SAMD13: variants seen among roughly 807,000 people sequenced by gnomAD.
SAMD13 encodes the protein sterile alpha motif domain containing 13, also known as sterile alpha motif domain-containing protein 13.
Under a neutral mutation model 12.4 loss-of-function variants are expected in SAMD13, and 9 were observed. The ratio of observed to expected loss-of-function variants is 0.72; its 90% CI spans 0.44 to 1.26. SAMD13 has a LOEUF of 1.26. Among genes scored for constraint, SAMD13 ranks in the 50% most tolerant of loss-of-function variants. SAMD13 has a pLI of 0.00. For synonymous variants in SAMD13, 46 were observed against 45.4 expected (o/e 1.01, Z -0.05); for missense variants, 84 against 119.6 (o/e 0.70, Z 1.39).
intron 3 of SAMD13, among the ~76,000 whole-genome samples, chr1:84,336,747 C>T (rs146487841): frequency 0.027 from 4,157 of 152,256 alleles, 203 homozygotes; most frequent in African/African-American, 0.095. Flanking sequence ...AAAGTCTTAA[C>T]TCATTTCAGC....
chr1:84,329,240 C>T (rs1203023238), intron 3 of SAMD13, among the ~76,000 whole-genome samples: 1 of 152,122 alleles, frequency 6.6e-6, no homozygotes, highest in Non-Finnish European at 1.5e-5. Context: ...TCACCAAGAA[C>T]CCAACCATGC....
chr1:84,323,100 A>G (rs1342782321), intron 2 of SAMD13, among the ~76,000 whole-genome samples: 1 of 152,150 alleles, frequency 6.6e-6, no homozygotes, highest in East Asian at 1.9e-4. Flanking sequence ...AGTGTGTTCG[A>G]TGGGACTCTG....
rs564602432 is a variant in SAMD13, at chr1:84,318,093, G to A, written c.54-7544G>A. ...TCTCTTTTCTCTTAGCCTAGCTAAA[G>A]GTTTGTCAGTTTTGTTTATCTTTTC... On this transcript the variant is annotated intron_variant, in intron 2 of 3. Coordinates refer to ENST00000394834, the MANE Select transcript of SAMD13 (RefSeq NM_001134663.2). Among the ~76,000 whole-genome samples the A allele has an allele frequency of 7.2e-5, 11 of 152,070 alleles. No homozygotes were observed. In the East Asian group the frequency reaches 2.1e-3, roughly 29 times the overall value.
chr1:84,312,380 A>G (rs1473675843), intron 2 of SAMD13, among the ~76,000 whole-genome samples: 2 of 151,558 alleles, frequency 1.3e-5, no homozygotes, highest in East Asian at 1.9e-4. Context: ...TCTCCTCTCA[A>G]TTCTGCTCTT....
intron 2 of SAMD13, among the ~76,000 whole-genome samples, chr1:84,316,343 TAC>T (rs1398110283): frequency 6.6e-6 from 1 of 152,220 alleles, no homozygotes; most frequent in African/African-American, 2.4e-5. Flanking sequence ...CTAGAAATTT[TAC>T]AGTTTCAAGT....
chr1:84,303,092 C>A, intron 1 of SAMD13, 111 bp from the exon 2 acceptor site: 1 of 746,260 alleles, frequency 1.3e-6, no homozygotes, highest in South Asian at 1.6e-5. Flanking sequence ...AACAAACATA[C>A]GTGAACTGGT....
chr1:84,311,449 C>A (rs1156554914), intron 2 of SAMD13, among the ~76,000 whole-genome samples: 1 of 152,022 alleles, frequency 6.6e-6, no homozygotes, highest in Non-Finnish European at 1.5e-5. Context: ...CTTTGTAAAT[C>A]TTTTCCATTA....
At chr1:84,336,202 C>A (rs921537146) in intron 3 of SAMD13, among the ~76,000 whole-genome samples, 1 of 152,142 alleles carries the variant, frequency 6.6e-6, no homozygotes, top group South Asian at 2.1e-4. Context: ...TAGATTTGGT[C>A]TCTTTACATA....
chr1:84,307,791 CT>C (rs547748942), intron 2 of SAMD13, among the ~76,000 whole-genome samples: 3 of 152,076 alleles, frequency 2.0e-5, no homozygotes, highest in Admixed American at 1.3e-4. Flanking sequence ...TGATAAGACC[CT>C]TTTTTATATT....
chr1:84,330,318 G>A (rs565612611), intron 3 of SAMD13, among the ~76,000 whole-genome samples: 1 of 152,108 alleles, frequency 6.6e-6, no homozygotes, highest in South Asian at 2.1e-4. Context: ...TGCACAACAC[G>A]GCACAAAACC....
chr1:84,341,819 G>A (rs1570261842), intron 3 of SAMD13, among the ~76,000 whole-genome samples: 1 of 152,124 alleles, frequency 6.6e-6, no homozygotes, highest in Non-Finnish European at 1.5e-5. Context: ...GACATGATAA[G>A]AAGAGGTTGT....
chr1:84,326,111 C>A (rs566933203), intron 3 of SAMD13, among the ~76,000 whole-genome samples: 33 of 152,306 alleles, frequency 2.2e-4, no homozygotes, highest in Non-Finnish European at 3.7e-4. Context: ...ACAAACCTGA[C>A]TGAGAGACAT....
At chr1:84,325,179 G>A (rs753912773) in intron 2 of SAMD13, among the ~76,000 whole-genome samples, 2 of 152,166 alleles carry the variant, frequency 1.3e-5, no homozygotes, top group African/African-American at 2.4e-5. Flanking sequence ...AAATGGTAGA[G>A]TTTTGTCCAA....
At chr1:84,337,820 C>T (rs975722116) in intron 3 of SAMD13, among the ~76,000 whole-genome samples, 10 of 152,288 alleles carry the variant, frequency 6.6e-5, no homozygotes, top group Admixed American at 5.9e-4. Context: ...AAACTGAATG[C>T]CTTTAACAAC....
intron 3 of SAMD13, among the ~76,000 whole-genome samples, chr1:84,332,054 G>A (rs1164455112): frequency 6.6e-6 from 1 of 152,082 alleles, no homozygotes; most frequent in Non-Finnish European, 1.5e-5. Flanking sequence ...TGCTGCACAG[G>A]ACATGATCTT....
At position 84,350,085 on chromosome 1, in the gene SAMD13, C is replaced by A; in HGVS notation, c.*311C>A. The A allele has an allele frequency of 4.5e-6, 1 of 224,232 alleles. No individual in the cohort carries two copies. 13.9% of individuals were successfully genotyped at this position (224,232 alleles called of 1,614,324 possible). Reference sequence around the variant, plus strand: ...AAGGATTTTCCTCATCTCTTTATAGCTTTCCCAAAATCTTTTAAAAAAGAA... The same window carrying A: ...AAGGATTTTCCTCATCTCTTTATAGATTTCCCAAAATCTTTTAAAAAAGAA... On this transcript the variant is annotated 3_prime_UTR_variant, in exon 4 of 4. Coordinates refer to ENST00000394834, the MANE Select transcript of SAMD13 (RefSeq NM_001134663.2).
chr1:84,315,703 C>T (rs1038908939), intron 2 of SAMD13, among the ~76,000 whole-genome samples: 1 of 152,128 alleles, frequency 6.6e-6, no homozygotes, highest in African/African-American at 2.4e-5. Context: ...TCTTTGAGTT[C>T]CTGATTTCAA....
chr1:84,333,572 A>T (rs537195847), intron 3 of SAMD13, among the ~76,000 whole-genome samples: 1 of 152,246 alleles, frequency 6.6e-6, no homozygotes, highest in African/African-American at 2.4e-5. Context: ...TTGATTTTGT[A>T]TACTGAAACT....
upstream of SAMD13, among the ~76,000 whole-genome samples, chr1:84,301,397 A>C (rs1267002185): frequency 6.6e-6 from 1 of 152,264 alleles, no homozygotes; most frequent in Non-Finnish European, 1.5e-5. Flanking sequence ...TGCTCAGAAC[A>C]ACAGCTAAGA....
Sources: allele counts gnomAD v4.1 joint callset (sites outside exome capture counted in the v4.1 genomes callset), GRCh38; gene constraint gnomAD v4.1.1; transcripts MANE v1.5; gene names NCBI Gene and HGNC (gene_info 2026-07-23, HGNC 2026-07-21).